HECW1: variants seen among roughly 807,000 people sequenced by gnomAD.
HECW1 encodes HECT, C2 and WW domain containing E3 ubiquitin protein ligase 1, also known as E3 ubiquitin-protein ligase HECW1.
In HECW1, 61 loss-of-function variants were observed where a neutral mutation model predicts 182.3. The ratio of observed to expected loss-of-function variants is 0.33; its 90% CI spans 0.27 to 0.41. HECW1 has a LOEUF of 0.41. Among genes scored for constraint, HECW1 ranks in the 10% least tolerant of loss-of-function variants. The probability of loss-of-function intolerance (pLI) is 1.00; values close to 1 mark genes in which losing one functional copy is unlikely to be tolerated. For synonymous variants in HECW1, 859 were observed against 832.6 expected (o/e 1.03, Z -0.55); for missense variants, 1,739 against 2,108.9 (o/e 0.82, Z 3.44).
chr7:43,360,172 C>T (rs941819434), intron 5 of HECW1, among the ~76,000 whole-genome samples: 6 of 151,370 alleles, frequency 4.0e-5, no homozygotes, highest in African/African-American at 1.5e-4. Flanking sequence ...CAGTGTGATC[C>T]CCCTAAACTC....
rs563890101 is a variant in HECW1, at chr7:43,466,605, C to T, written c.2913+37C>T. 6.7e-5 allele frequency: 107 copies of T among 1,600,612 alleles called. No individual in the cohort carries two copies. In the East Asian group the frequency reaches 1.5e-3, roughly 22 times the overall value. ...AAAATGCAGAGGGGGCGGCCTGGCT[C>T]GGCAAGACCCAAAACACAGCTTTGT... On this transcript the variant is annotated intron_variant, in intron 15 of 29. Coordinates refer to ENST00000395891, the MANE Select transcript of HECW1 (RefSeq NM_015052.5).
chr7:43,330,701 G>T (rs1050307721), intron 5 of HECW1, among the ~76,000 whole-genome samples: 1 of 152,224 alleles, frequency 6.6e-6, no homozygotes, highest in Non-Finnish European at 1.5e-5. Flanking sequence ...AGTTCGAGGA[G>T]TTGGTGAGAA....
intron 8 of HECW1, among the ~76,000 whole-genome samples, chr7:43,427,669 T>C (rs1407226279): frequency 1.3e-5 from 2 of 152,170 alleles, no homozygotes; most frequent in African/African-American, 4.8e-5. Flanking sequence ...ACCTGCGTTC[T>C]CGGCTCAGGA....
At chr7:43,128,121 C>T (rs951707027) in intron 2 of HECW1, among the ~76,000 whole-genome samples, 1 of 152,132 alleles carries the variant, frequency 6.6e-6, no homozygotes, top group South Asian at 2.1e-4. Context: ...CTCAAGCAAT[C>T]CTCCCACCTC....
intron 2 of HECW1, among the ~76,000 whole-genome samples, chr7:43,220,731 C>T (rs907253504): frequency 3.9e-5 from 6 of 152,152 alleles, no homozygotes; most frequent in East Asian, 1.9e-4. Flanking sequence ...AAAATGTTGA[C>T]GTGTTGGTGC....
chr7:43,511,195 T>G (rs2079848728), intron 24 of HECW1: 1 of 152,222 alleles, frequency 6.6e-6, no homozygotes, highest in African/African-American at 2.4e-5. Flanking sequence ...GTTAGAGGAC[T>G]TGGCCCCGCA....
intron 6 of HECW1, among the ~76,000 whole-genome samples, chr7:43,367,880 A>G (rs986783483): frequency 3.3e-5 from 5 of 152,100 alleles, no homozygotes; most frequent in African/African-American, 1.2e-4. Flanking sequence ...AATCTGGCAA[A>G]TTGTTTTCTG....
At chr7:43,335,083 T>C (rs1304543159) in intron 5 of HECW1, among the ~76,000 whole-genome samples, 1 of 152,180 alleles carries the variant, frequency 6.6e-6, no homozygotes, top group Non-Finnish European at 1.5e-5. Context: ...TGATGAAATA[T>C]TTTTCAGAAG....
intron 6 of HECW1, among the ~76,000 whole-genome samples, chr7:43,369,521 C>T (rs1341886102): frequency 2.0e-5 from 3 of 152,128 alleles, no homozygotes; most frequent in Non-Finnish European, 4.4e-5. Flanking sequence ...AAAAGTCTAC[C>T]TTTGCCTTTT....
chr7:43,290,950 A>G lies in HECW1; in HGVS notation c.28-20813A>G, dbSNP rs189357448. On this transcript the variant is annotated intron_variant, in intron 3 of 29. Transcript: ENST00000395891. Reference sequence around the variant, plus strand: ...CCAGAGGAGCCAGGATGAAGTTTCCATCAAGAGAAGACTGCATATGGAGAA... The same window carrying G: ...CCAGAGGAGCCAGGATGAAGTTTCCGTCAAGAGAAGACTGCATATGGAGAA... Among the ~76,000 whole-genome samples the G allele has an allele frequency of 3.1e-3, 472 of 152,316 alleles. 1 individual carries two copies. The highest frequency in any genetic ancestry group is 7.6e-3 in the Admixed American group (116 of 15,308).
rs1312921426 is a variant in HECW1 at position 43,114,049 on chromosome 7, G to C, written c.-266-108G>C. 7 of 406,042 alleles carry C rather than the reference G, an allele frequency of 1.7e-5. No individual in the cohort carries two copies. In the East Asian group the frequency reaches 2.7e-4, roughly 16 times the overall value. The allele number at this position is 406,042 out of a possible 1,614,324, so 25.2% of individuals were successfully genotyped here. A position where few individuals can be genotyped will look rare whatever the true frequency, so the allele number is the denominator to read the frequency against. On this transcript the variant is annotated intron_variant, in intron 1 of 29. Transcript: ENST00000395891. ...CAGAGAGCATGTGGGGATTTTCCTA[G>C]TTGCCGAAGAAGATATTATTTGACG... is the stretch of plus-strand genomic sequence containing the variant.
At chr7:43,291,150 A>G (rs1483654868) in intron 3 of HECW1, among the ~76,000 whole-genome samples, 1 of 152,242 alleles carries the variant, frequency 6.6e-6, no homozygotes, top group Non-Finnish European at 1.5e-5. Context: ...ACTCGAACAT[A>G]AATTTAGTTC....
At chr7:43,537,212 A>G (rs2081209908) in intron 24 of HECW1, among the ~76,000 whole-genome samples, 1 of 152,216 alleles carries the variant, frequency 6.6e-6, no homozygotes, top group South Asian at 2.1e-4. Flanking sequence ...CCGGTATTTA[A>G]GTAACAGATT....
At chr7:43,129,015 G>T (rs374879034) in intron 2 of HECW1, among the ~76,000 whole-genome samples, 1 of 152,158 alleles carries the variant, frequency 6.6e-6, no homozygotes, top group Non-Finnish European at 1.5e-5. Flanking sequence ...GATGAGCAAG[G>T]AAAGTGATTT....
intron 3 of HECW1, among the ~76,000 whole-genome samples, chr7:43,256,562 T>C (rs752346748): frequency 1.0e-4 from 15 of 150,026 alleles, no homozygotes; most frequent in Non-Finnish European, 1.5e-4. Flanking sequence ...TGAGCCAAGA[T>C]TGCGCCACTG....
chr7:43,220,367 G>A (rs184002096), intron 2 of HECW1, among the ~76,000 whole-genome samples: 3 of 152,264 alleles, frequency 2.0e-5, no homozygotes, highest in African/African-American at 4.8e-5. Context: ...GAGTCTTCAC[G>A]TCCAGAGTTG....
chr7:43,153,410 G>A (rs935180054), intron 2 of HECW1, among the ~76,000 whole-genome samples: 2 of 152,146 alleles, frequency 1.3e-5, no homozygotes, highest in African/African-American at 2.4e-5. Flanking sequence ...CCTACAAAAA[G>A]GAAGTCTCAT....
At chr7:43,369,484 A>C (rs1284258268) in intron 6 of HECW1, among the ~76,000 whole-genome samples, 1 of 152,124 alleles carries the variant, frequency 6.6e-6, no homozygotes, top group Non-Finnish European at 1.5e-5. Context: ...AAAAATAAAG[A>C]GACAATTTGA....
intron 2 of HECW1, among the ~76,000 whole-genome samples, chr7:43,150,434 A>G (rs1384788262): frequency 6.6e-6 from 1 of 152,064 alleles, no homozygotes; most frequent in East Asian, 1.9e-4. Flanking sequence ...ACAGGAGTGC[A>G]GTGGTGCAAT....
Sources: allele counts gnomAD v4.1 joint callset (sites outside exome capture counted in the v4.1 genomes callset), GRCh38; gene constraint gnomAD v4.1.1; transcripts MANE v1.5; gene names NCBI Gene and HGNC (gene_info 2026-07-23, HGNC 2026-07-21).